The following ISM1 variants were observed in gnomAD, a reference collection of about 807,000 sequenced individuals.
The protein encoded by ISM1 is isthmin-1.
In ISM1, 25 loss-of-function variants were observed where a neutral mutation model predicts 46.3. The observed-to-expected ratio is 0.54, with a 90% CI of 0.39 to 0.75. ISM1 has a LOEUF of 0.75. Among genes scored for constraint, ISM1 ranks in the 30% least tolerant of loss-of-function variants. ISM1 has a pLI of 0.00. For synonymous variants in ISM1, 255 were observed against 256.7 expected (o/e 0.99, Z 0.06); for missense variants, 536 against 625.4 (o/e 0.86, Z 1.52).
chr20:13,254,058 TAAAAA>T (rs34371292), intron 1 of ISM1, among the ~76,000 whole-genome samples: 1 of 116,208 alleles, frequency 8.6e-6, no homozygotes, highest in Non-Finnish European at 1.8e-5. Flanking sequence ...TCATCTCTAC[TAAAAA>T]AAAAAAAAAA....
chr20:13,306,077 A>G, the ISM1 span, among the ~76,000 whole-genome samples: 3 of 131,850 alleles, frequency 2.3e-5, no homozygotes, highest in African/African-American at 6.0e-5. Context: ...TGCCCTCAAA[A>G]TGAAAAAAAC....
intron 1 of ISM1, among the ~76,000 whole-genome samples, chr20:13,224,722 A>G (rs1462823963): frequency 6.6e-6 from 1 of 152,224 alleles, no homozygotes; most frequent in African/African-American, 2.4e-5. Context: ...ATTTAAGGAT[A>G]TATCAAGGAC....
downstream of ISM1, chr20:13,300,660 A>C (rs1377127193): frequency 6.6e-6 from 1 of 152,252 alleles, no homozygotes; most frequent in Non-Finnish European, 1.5e-5. Flanking sequence ...TGTTACCTGC[A>C]TCCTTCATTT....
the ISM1 span, among the ~76,000 whole-genome samples, chr20:13,305,719 T>C: frequency 1.3e-5 from 2 of 152,100 alleles, no homozygotes. Context: ...CATATGAGAG[T>C]AGAAGGAGAG....
intron 3 of ISM1, among the ~76,000 whole-genome samples, chr20:13,285,519 C>A (rs548676353): frequency 2.4e-4 from 36 of 152,226 alleles, no homozygotes; most frequent in African/African-American, 8.4e-4. Flanking sequence ...GGTCCCTCCC[C>A]CTCCAGGAGG....
rs2040317402 is a variant in ISM1, at chr20:13,288,522, T to C, written c.644-18T>C. The C allele has an allele frequency of 6.2e-7, 1 of 1,611,462 alleles. No individual in the cohort carries two copies. Among genetic ancestry groups the C allele is most frequent in the African/African-American group, 1.3e-5 (1 of 75,008 alleles). On this transcript the variant is annotated intron_variant, in intron 3 of 5. Coordinates refer to ENST00000262487, the MANE Select transcript of ISM1 (RefSeq NM_080826.2). The stretch of plus-strand genomic sequence containing the variant: ...TCTTTGGCCAAAGTTGATGACCATC[T>C]CCCTGGCTGTCTTCCAGATTCCACA...
intron 1 of ISM1, among the ~76,000 whole-genome samples, chr20:13,222,403 T>A (rs530420737): frequency 4.9e-4 from 74 of 152,110 alleles, no homozygotes; most frequent in South Asian, 1.7e-3. Flanking sequence ...AGGACATAAT[T>A]TCCCAAGGAG....
the ISM1 span, among the ~76,000 whole-genome samples, chr20:13,326,425 C>T: frequency 1.3e-5 from 2 of 152,014 alleles, no homozygotes; most frequent in Non-Finnish European, 1.5e-5. Context: ...TGTATATATT[C>T]GATTTTTCAG....
At chr20:13,228,355 T>C (rs1389577703) in intron 1 of ISM1, among the ~76,000 whole-genome samples, 4 of 144,906 alleles carry the variant, frequency 2.8e-5, no homozygotes, top group Non-Finnish European at 5.9e-5. Flanking sequence ...GAGAATTTAT[T>C]AATTATAAAC....
chr20:13,293,711 C>A (rs1004787516), intron 5 of ISM1, among the ~76,000 whole-genome samples: 2 of 152,274 alleles, frequency 1.3e-5, no homozygotes, highest in Admixed American at 1.3e-4. Context: ...CAGTGACTCA[C>A]ATCTGTAATC....
intron 2 of ISM1, among the ~76,000 whole-genome samples, chr20:13,272,119 A>G (rs921531471): frequency 6.6e-6 from 1 of 152,108 alleles, no homozygotes; most frequent in Non-Finnish European, 1.5e-5. Flanking sequence ...CTATTTGTAT[A>G]GGTGCACCTT....
At chr20:13,246,186 T>C (rs2039791101) in intron 1 of ISM1, among the ~76,000 whole-genome samples, 1 of 151,068 alleles carries the variant, frequency 6.6e-6, no homozygotes, top group Admixed American at 6.6e-5. Flanking sequence ...GGCAGCAGAA[T>C]CACTTGAACC....
Position 13,287,378 on chromosome 20 carries a change from C to A in ISM1, c.644-1162C>A, listed in dbSNP as rs114849498. 3.6e-3 allele frequency among the ~76,000 whole-genome samples: 542 copies of A among 152,188 alleles called. 2 individuals are homozygous for A. Among genetic ancestry groups the A allele is most frequent in the African/African-American group, 0.012 (507 of 41,498 alleles). On this transcript the variant is annotated intron_variant, in intron 3 of 5. Transcript: ENST00000262487. ...GAAAACAACATGGGGAAACTGCCCC[C>A]ATGATTCAGTTATCTCCAGCTGGCC...
At chr20:13,326,409 AGTATAT>A in the ISM1 span, among the ~76,000 whole-genome samples, 1 of 152,170 alleles carries the variant, frequency 6.6e-6, no homozygotes, top group African/African-American at 2.4e-5. Flanking sequence ...CAATTTAGTA[AGTATAT>A]GTATATATTC....
intron 2 of ISM1, among the ~76,000 whole-genome samples, chr20:13,272,552 C>T (rs761087356): frequency 1.3e-5 from 2 of 152,196 alleles, no homozygotes; most frequent in Non-Finnish European, 2.9e-5. Context: ...AGAAGTCGGA[C>T]AGGCTCTATT....
intron 1 of ISM1, among the ~76,000 whole-genome samples, chr20:13,245,623 T>A (rs985522373): frequency 8.5e-5 from 13 of 152,148 alleles, no homozygotes; most frequent in African/African-American, 3.1e-4. Context: ...TAGTGATAGT[T>A]CCCCTGCACA....
chr20:13,233,323 C>T (rs929217052), intron 1 of ISM1, among the ~76,000 whole-genome samples: 4 of 151,984 alleles, frequency 2.6e-5, no homozygotes, highest in Non-Finnish European at 5.9e-5. Flanking sequence ...CTGCCGGGCG[C>T]GGTGGCTCAT....
At chr20:13,225,217 A>G (rs1269333700) in intron 1 of ISM1, among the ~76,000 whole-genome samples, 1 of 152,080 alleles carries the variant, frequency 6.6e-6, no homozygotes, top group Non-Finnish European at 1.5e-5. Flanking sequence ...TCCCTGTTTC[A>G]AAAGGAGAAA....
intron 3 of ISM1, among the ~76,000 whole-genome samples, chr20:13,281,092 A>C (rs2040234324): frequency 6.6e-6 from 1 of 152,242 alleles, no homozygotes; most frequent in African/African-American, 2.4e-5. Context: ...GCAAAAGAAC[A>C]AGACAAAAAT....
Sources: allele counts gnomAD v4.1 joint callset (sites outside exome capture counted in the v4.1 genomes callset), GRCh38; gene constraint gnomAD v4.1.1; transcripts MANE v1.5; gene names NCBI Gene and HGNC (gene_info 2026-07-23, HGNC 2026-07-21).